The following NOMO1 variants were observed in gnomAD, a reference collection of about 807,000 sequenced individuals.
NOMO1 encodes NODAL modulator 1.
In NOMO1, 40 loss-of-function variants were observed where a neutral mutation model predicts 133.8. The observed-to-expected ratio is 0.30, with a 90% CI of 0.23 to 0.39. The LOEUF (loss-of-function observed/expected upper bound fraction) is 0.39, where lower values mean the gene tolerates loss of function less well. Among genes scored for constraint, NOMO1 ranks in the 10% least tolerant of loss-of-function variants. The pLI, the probability that NOMO1 is intolerant of heterozygous loss-of-function variation, is 1.00. For missense variants in NOMO1, 462 were observed against 1,419.9 expected, an observed-to-expected ratio of 0.33 and a Z score of 10.84; for synonymous variants, 236 against 570.5, an observed-to-expected ratio of 0.41 and a Z score of 8.36.
intron 5 of NOMO1, 110 bp downstream of exon 5, chr16:14,846,793 T>G: frequency 6.3e-7 from 1 of 1,596,640 alleles, no homozygotes; most frequent in Non-Finnish European, 8.6e-7. Flanking sequence ...AGATCCTGAT[T>G]CAGCCTCTTT....
At chr16:14,845,610 C>G (rs1471781963) in intron 4 of NOMO1, among the ~76,000 whole-genome samples, 2 of 151,970 alleles carry the variant, frequency 1.3e-5, no homozygotes, top group East Asian at 1.9e-4. Context: ...AGAGTCATTT[C>G]TCCTCCACCT....
intron 3 of NOMO1, among the ~76,000 whole-genome samples, chr16:14,843,036 G>A (rs1963629202): frequency 7.4e-6 from 1 of 135,924 alleles, no homozygotes; most frequent in African/African-American, 2.8e-5. Context: ...TTGTGCCTCA[G>A]CCTCCTCAGT....
Position 14,878,916 on chromosome 16 carries a change from T to C in NOMO1, c.2757+82T>C, listed in dbSNP as rs528639404. The C allele has an allele frequency of 4.2e-5, 66 of 1,582,424 alleles. No individual in the cohort carries two copies. In the African/African-American group the frequency reaches 7.8e-4, roughly 19 times the overall value. On this transcript the variant is annotated intron_variant, in intron 23 of 30. Coordinates refer to ENST00000287667, the MANE Select transcript of NOMO1 (RefSeq NM_014287.4). ...CAGCATGCGAGACTTACGTGTTGCT[T>C]GACAACGTGAGAAGAGAAAGCCAAT...
At chr16:14,866,780 G>T in intron 15 of NOMO1, 89 bp downstream of exon 15, 2 of 1,608,114 alleles carry the variant, frequency 1.2e-6, no homozygotes, top group Admixed American at 3.3e-5. Flanking sequence ...TATTGTAAAC[G>T]TAGGCAAGTT....
chr16:14,883,422 C>T (rs1280000190), intron 26 of NOMO1, among the ~76,000 whole-genome samples: 3 of 151,430 alleles, frequency 2.0e-5, no homozygotes, highest in East Asian at 1.9e-4. Flanking sequence ...CTGCAACCTC[C>T]TCCTTGTGGG....
intron 3 of NOMO1, among the ~76,000 whole-genome samples, chr16:14,843,570 A>G (rs1963636838): frequency 6.6e-6 from 1 of 151,860 alleles, no homozygotes; most frequent in African/African-American, 2.4e-5. Context: ...GTGTGGTATT[A>G]TCTCACTGTG....
At position 14,864,678 on chromosome 16, in the gene NOMO1, G is replaced by A. The variant is rs1340459981; in HGVS notation, c.1489G>A (p.Ala497Thr). ...GACCAACAGGCCCATGATGGATGTG[G>A]CCTTTGTACAGTTCTTGGCATCAGT... ...TVTNRPMMDV[A>T]FVQFLASVSG... The change falls in exon 13 of 31, where the codon GCC becomes ACC. Residue 497 changes from alanine to threonine, a missense_variant. Transcript: ENST00000287667. 2 of 1,612,962 alleles carry A rather than the reference G, an allele frequency of 1.2e-6. No homozygotes were observed. The highest frequency in any genetic ancestry group is 8.5e-7 in the Non-Finnish European group (1 of 1,179,704).
intron 27 of NOMO1, among the ~76,000 whole-genome samples, chr16:14,884,921 C>CA (rs1964300046): frequency 6.6e-6 from 1 of 152,044 alleles, no homozygotes; most frequent in Admixed American, 6.5e-5. Flanking sequence ...AAAGAGGTTT[C>CA]ATTGGCTCCT....
At position 14,877,150 on chromosome 16, in the gene NOMO1, CTGT is replaced by C. The variant is rs1386447494; in HGVS notation, c.2643+365_2643+367del. On this transcript the variant is annotated intron_variant, in intron 22 of 30. Transcript: ENST00000287667. ...TATAAATGGAATCAAACGGGATATA[CTGT>C]TGTTTTTTTTTTTTTTTTGGTCTGA... Among the ~76,000 whole-genome samples, 6 of 143,550 alleles carry C rather than the reference CTGT, an allele frequency of 4.2e-5. No homozygotes were observed. In the East Asian group the frequency reaches 8.2e-4, roughly 20 times the overall value. 94.2% of individuals were successfully genotyped at this position (143,550 alleles called of 152,430 possible). A position where few individuals can be genotyped will look rare whatever the true frequency, so the allele number is the denominator to read the frequency against.
Position 14,884,475 on chromosome 16 carries a change from C to T in NOMO1, c.3215C>T (p.Thr1072Ile), listed in dbSNP as rs1964292653. 2.5e-6 allele frequency: 4 copies of T among 1,611,660 alleles called. No individual in the cohort carries two copies. The highest frequency in any genetic ancestry group is 8.5e-7 in the Non-Finnish European group (1 of 1,179,746). Residue 1072 changes from threonine (T) to isoleucine (I), a missense_variant, in exon 27 of 31, where the codon ACA (threonine) becomes ATA (isoleucine). Physicochemically the swap from Thr to Ile is moderately conservative, Grantham distance 89 (BLOSUM62 -1). Transcript: ENST00000287667. ...ATCACTTCCTCTGAATACCTTCCTA[C>T]ATTATGGGTAAGTCCAGACTTTTAA... ...NVITSSEYLP[T>I]LWVKLYKSEN...
chr16:14,860,568 C>T (rs1241376019), intron 11 of NOMO1, among the ~76,000 whole-genome samples: 3 of 151,706 alleles, frequency 2.0e-5, no homozygotes, highest in East Asian at 1.9e-4. Flanking sequence ...GGCTGGCAGG[C>T]GAGGGAGCGA....
rs949351943 is a variant in NOMO1, at chr16:14,850,072, A to G, written c.582+1101A>G. The stretch of plus-strand genomic sequence containing the variant: ...TGCCACTGCCCCTAGCTAAGGATAC[A>G]GTCTTTTTTTTTTTTGAGATGAAGT... On this transcript the variant is annotated intron_variant, in intron 6 of 30. Coordinates refer to ENST00000287667, the MANE Select transcript of NOMO1 (RefSeq NM_014287.4). 2.9e-4 allele frequency among the ~76,000 whole-genome samples: 44 copies of G among 149,748 alleles called. 1 individual carries two copies. The highest frequency in any genetic ancestry group is 9.4e-4 in the African/African-American group (38 of 40,500).
intron 15 of NOMO1, among the ~76,000 whole-genome samples, chr16:14,867,172 A>G (rs1477970155): frequency 0.11 from 1,604 of 14,492 alleles, 4 homozygotes; most frequent in East Asian, 0.22. Flanking sequence ...ATATATATAT[A>G]TATATTTTTT....
At position 14,833,896 on chromosome 16, in the gene NOMO1, C is replaced by T. The variant is rs1358415566; in HGVS notation, c.45C>T (p.Val15=). ...QGAGPLGPAV[V]TAAVVLLLSG... ...CGGGGCCGCTGGGGCCCGCGGTGGT[C>T]ACCGCCGCGGTGGTGCTGCTGCTGA... is the stretch of plus-strand genomic sequence containing the variant. Residue 15 remains valine (V), a synonymous_variant, in exon 1 of 31, where the codon GTC becomes GTT. Coordinates refer to ENST00000287667, the MANE Select transcript of NOMO1 (RefSeq NM_014287.4). 1.3e-6 allele frequency: 1 copy of T among 756,656 alleles called. No homozygotes were observed. Among genetic ancestry groups the T allele is most frequent in the Non-Finnish European group, 1.8e-6 (1 of 554,832 alleles). The allele number at this position is 756,656 out of a possible 1,614,324, so 46.9% of individuals were successfully genotyped here.
Position 14,833,751 on chromosome 16 carries a change from G to A in NOMO1, c.-101G>A. The A allele has an allele frequency of 9.9e-7, 1 of 1,009,390 alleles. No individual in the cohort carries two copies. Among genetic ancestry groups the A allele is most frequent in the Non-Finnish European group, 1.3e-6 (1 of 771,202 alleles). 62.5% of individuals were successfully genotyped at this position (1,009,390 alleles called of 1,614,324 possible). A position where few individuals can be genotyped will look rare whatever the true frequency, so the allele number is the denominator to read the frequency against. On this transcript the variant is annotated 5_prime_UTR_variant, in exon 1 of 31. Coordinates refer to ENST00000287667, the MANE Select transcript of NOMO1 (RefSeq NM_014287.4). ...TGGCGGCGGCGGTGGGGCGGGGCCT[G>A]GGCTGTCAGCCGGCCTAGGAGGAGG...
chr16:14,840,799 CTG>C (rs1196166184), intron 2 of NOMO1, among the ~76,000 whole-genome samples: 1 of 143,942 alleles, frequency 6.9e-6, no homozygotes, highest in Non-Finnish European at 1.5e-5. Context: ...GTAGCTAAGA[CTG>C]TAGGCGCCTG....
intron 6 of NOMO1, among the ~76,000 whole-genome samples, chr16:14,849,361 T>G (rs1963723484): frequency 1.5e-4 from 1 of 6,700 alleles, no homozygotes; most frequent in East Asian, 5.0e-3. Context: ...AAGGAGAATG[T>G]ATGAGAATGT....
chr16:14,837,505 C>T (rs2151891247), intron 1 of NOMO1, among the ~76,000 whole-genome samples: 1 of 152,022 alleles, frequency 6.6e-6, no homozygotes, highest in South Asian at 2.1e-4. Context: ...CACTTCGTGT[C>T]TGGTAATGCT....
intron 15 of NOMO1, among the ~76,000 whole-genome samples, chr16:14,867,725 G>C (rs1964024751): frequency 6.7e-6 from 1 of 148,438 alleles, no homozygotes. Flanking sequence ...AATTGGAACT[G>C]GTGTTTCATG....
Sources: gnomAD v4.1 joint callset for allele counts (sites outside exome capture counted in the v4.1 genomes callset) on GRCh38, gnomAD v4.1.1 for gene constraint, MANE v1.5 for transcripts, NCBI Gene and HGNC (gene_info 2026-07-23, HGNC 2026-07-21) for gene names.